ZBTB44: variants seen among roughly 807,000 people sequenced by gnomAD.
ZBTB44 encodes zinc finger and BTB domain containing 44, also known as zinc finger and BTB domain-containing protein 44.
ZBTB44 carries 15 observed loss-of-function variants against 54.0 expected under a neutral mutation model. That is an observed-to-expected ratio of 0.28 (90% CI 0.19 to 0.43). ZBTB44 has a LOEUF of 0.43. ZBTB44 is among the 20% of genes least tolerant of loss of function. The probability of loss-of-function intolerance (pLI) is 1.00; values close to 1 mark genes in which losing one functional copy is unlikely to be tolerated. For synonymous variants in ZBTB44, 230 were observed against 250.1 expected, an observed-to-expected ratio of 0.92 and a Z score of 0.76; for missense variants, 487 against 707.1, an observed-to-expected ratio of 0.69 and a Z score of 3.53.
At chr11:130,248,812 C>T (rs1207721439) in intron 2 of ZBTB44, among the ~76,000 whole-genome samples, 1 of 151,916 alleles carries the variant, frequency 6.6e-6, no homozygotes, top group Non-Finnish European at 1.5e-5. Context: ...TTGTTAATAA[C>T]ATCATAAAGG....
At chr11:130,294,529 C>G (rs974098065) in intron 1 of ZBTB44, among the ~76,000 whole-genome samples, 1 of 101,744 alleles carries the variant, frequency 9.8e-6, no homozygotes, top group South Asian at 3.4e-4. Flanking sequence ...ACACAAAGGT[C>G]TATATGACCA....
intron 1 of ZBTB44, among the ~76,000 whole-genome samples, chr11:130,312,389 G>A (rs556211451): frequency 5.3e-5 from 8 of 152,272 alleles, no homozygotes; most frequent in Non-Finnish European, 1.0e-4. Context: ...ATCTGACATT[G>A]TGTGCCTCCT....
At chr11:130,233,672 C>G (rs1953980547) in intron 6 of ZBTB44, 1 of 1,254,002 alleles carries the variant, frequency 8.0e-7, no homozygotes. Context: ...ATCTGATTTC[C>G]TCTCTAGCTA....
At chr11:130,239,993 T>A (rs907617198) in intron 2 of ZBTB44, 97 bp from the exon 3 acceptor site, 3 of 802,344 alleles carry the variant, frequency 3.7e-6, no homozygotes, top group Non-Finnish European at 6.1e-6. Flanking sequence ...CTGACATATA[T>A]TATCTAGTGT....
intron 1 of ZBTB44, among the ~76,000 whole-genome samples, chr11:130,302,113 A>G (rs1864448647): frequency 6.6e-6 from 1 of 152,154 alleles, no homozygotes; most frequent in Non-Finnish European, 1.5e-5. Flanking sequence ...ATAGTACCCA[A>G]TATGTGCCAA....
chr11:130,238,666 T>A (rs1954218226), intron 3 of ZBTB44, 59 bp from the exon 4 acceptor site: 4 of 1,440,254 alleles, frequency 2.8e-6, no homozygotes, highest in Non-Finnish European at 2.8e-6. Flanking sequence ...GAATAAACAC[T>A]GCTATAGGTC....
intron 1 of ZBTB44, among the ~76,000 whole-genome samples, chr11:130,270,747 TCTAA>T (rs1202111241): frequency 1.4e-4 from 21 of 152,236 alleles, no homozygotes; most frequent in Admixed American, 1.3e-3. Context: ...TGGTTTTATC[TCTAA>T]CTTTGTTTTC....
At chr11:130,256,283 T>C (rs1471084335) in intron 2 of ZBTB44, among the ~76,000 whole-genome samples, 1 of 152,166 alleles carries the variant, frequency 6.6e-6, no homozygotes, top group African/African-American at 2.4e-5. Flanking sequence ...GCAAGGCTGG[T>C]TCAACACACG....
rs1263435335 is a variant in ZBTB44 at position 130,294,568 on chromosome 11, A to T, written c.-57+19807T>A. On this transcript the variant is annotated intron_variant, in intron 1 of 7. Transcript: ENST00000357899. ...AAAAAAAAAAAAAAAAAAAAAAAAAAATCTTCAATTCCCAGTTATTTCTCC... is the reference window on the plus strand; with the variant it reads ...AAAAAAAAAAAAAAAAAAAAAAAAATATCTTCAATTCCCAGTTATTTCTCC... Among the ~76,000 whole-genome samples the T allele has an allele frequency of 2.1e-5, 3 of 145,146 alleles. No individual in the cohort carries two copies. The East Asian group carries it at 5.9e-4, about 28-fold the overall frequency.
chr11:130,252,714 TTA>T (rs1246656688), intron 2 of ZBTB44, among the ~76,000 whole-genome samples: 1 of 152,194 alleles, frequency 6.6e-6, no homozygotes, highest in Non-Finnish European at 1.5e-5. Context: ...CTAACTCATT[TTA>T]TGAGGCCAGC....
chr11:130,290,414 C>A (rs894042014), intron 1 of ZBTB44, among the ~76,000 whole-genome samples: 1 of 152,318 alleles, frequency 6.6e-6, no homozygotes. Context: ...ATTACAACAG[C>A]CACAGAAAAC....
intron 1 of ZBTB44, among the ~76,000 whole-genome samples, chr11:130,307,268 C>T (rs1339152278): frequency 6.6e-6 from 1 of 151,588 alleles, no homozygotes; most frequent in African/African-American, 2.4e-5. Context: ...ACTAAAAATA[C>T]AAAAAAATTA....
At position 130,229,779 on chromosome 11, in the gene ZBTB44, C is replaced by T. The variant is rs1317195697; in HGVS notation, c.*1985G>A. On this transcript the variant is annotated 3_prime_UTR_variant, in exon 8 of 8. Coordinates refer to ENST00000357899, the MANE Select transcript of ZBTB44 (RefSeq NM_001301098.2). ...AAATCTAAATATATTACAAATAAAG[C>T]ATCTTACGTCAATAACTTACTTACA... The T allele has an allele frequency of 6.6e-6, 1 of 152,112 alleles. No homozygotes were observed. Among genetic ancestry groups the T allele is most frequent in the Non-Finnish European group, 1.5e-5 (1 of 67,994 alleles). The allele number at this position is 152,112 out of a possible 1,614,324, so 9.4% of individuals were successfully genotyped here.
At chr11:130,313,276 A>G (rs1269027976) in intron 1 of ZBTB44, among the ~76,000 whole-genome samples, 1 of 152,240 alleles carries the variant, frequency 6.6e-6, no homozygotes, top group Non-Finnish European at 1.5e-5. Context: ...CTGCATCATT[A>G]GGTTGTTCTG....
At chr11:130,301,329 G>A (rs1173815016) in intron 1 of ZBTB44, among the ~76,000 whole-genome samples, 1 of 152,114 alleles carries the variant, frequency 6.6e-6, no homozygotes, top group Non-Finnish European at 1.5e-5. Flanking sequence ...AGATGATGAA[G>A]TAGAATTTTT....
intron 2 of ZBTB44, among the ~76,000 whole-genome samples, chr11:130,253,058 G>A (rs904547062): frequency 6.6e-6 from 1 of 152,136 alleles, no homozygotes; most frequent in Non-Finnish European, 1.5e-5. Context: ...TTAATGGGAT[G>A]TATCTCAAAA....
chr11:130,252,254 A>G (rs557559759), intron 2 of ZBTB44, among the ~76,000 whole-genome samples: 10 of 152,244 alleles, frequency 6.6e-5, no homozygotes, highest in Non-Finnish European at 1.2e-4. Context: ...TACGCAATAC[A>G]GAAGCACCCA....
chr11:130,231,866 A>C (rs1014675434), intron 7 of ZBTB44, 151 bp from the exon 8 acceptor site: 4 of 152,202 alleles, frequency 2.6e-5, no homozygotes, highest in Admixed American at 2.6e-4. Context: ...CAGTTGAGAC[A>C]CAGCAGTACT....
intron 1 of ZBTB44, among the ~76,000 whole-genome samples, chr11:130,292,063 T>C (rs543552536): frequency 6.6e-6 from 1 of 152,348 alleles, no homozygotes; most frequent in Non-Finnish European, 1.5e-5. Context: ...GACATAATTA[T>C]TCTGAGATTC....
Sources: allele counts gnomAD v4.1 joint callset (sites outside exome capture counted in the v4.1 genomes callset), GRCh38; gene constraint gnomAD v4.1.1; transcripts MANE v1.5; gene names NCBI Gene and HGNC (gene_info 2026-07-23, HGNC 2026-07-21).